Variants in FOXP2 observed in about 807,000 individuals in gnomAD.
FOXP2 encodes the protein forkhead box protein P2.
Under a neutral mutation model 115.8 loss-of-function variants are expected in FOXP2, and 12 were observed. The observed-to-expected ratio is 0.10, with a 90% CI of 0.07 to 0.17. The LOEUF (loss-of-function observed/expected upper bound fraction) is 0.17. Among genes scored for constraint, FOXP2 ranks in the 10% least tolerant of loss-of-function variants. The pLI, the probability that FOXP2 is intolerant of heterozygous loss-of-function variation, is 1.00. For missense variants in FOXP2, 629 were observed against 843.5 expected (o/e 0.75, Z 3.15); for synonymous variants, 328 against 297.7 (o/e 1.10, Z -1.05).
intron 10 of FOXP2, among the ~76,000 whole-genome samples, chr7:114,656,966 T>G (rs1261406436): frequency 1.3e-5 from 2 of 152,144 alleles, no homozygotes; most frequent in South Asian, 4.1e-4. Context: ...TATTCTCTAT[T>G]TAGCCACTCA....
intron 2 of FOXP2, among the ~76,000 whole-genome samples, chr7:114,492,748 CT>C (rs1392211360): frequency 2.0e-5 from 3 of 152,060 alleles, no homozygotes; most frequent in Non-Finnish European, 2.9e-5. Flanking sequence ...ATACTGAGTT[CT>C]AGTTTGATTG....
intron 2 of FOXP2, among the ~76,000 whole-genome samples, chr7:114,510,021 A>T (rs1797997706): frequency 6.6e-6 from 1 of 152,188 alleles, no homozygotes; most frequent in Non-Finnish European, 1.5e-5. Context: ...CAGTGATAAG[A>T]AAAAGGAAAT....
intron 2 of FOXP2, among the ~76,000 whole-genome samples, chr7:114,505,542 T>C (rs1489667001): frequency 1.3e-5 from 2 of 150,946 alleles, no homozygotes; most frequent in Non-Finnish European, 3.0e-5. Flanking sequence ...GATCAAATAA[T>C]AGGTGAAGTT....
intron 2 of FOXP2, among the ~76,000 whole-genome samples, chr7:114,484,250 G>T (rs538403279): frequency 6.6e-6 from 1 of 151,806 alleles, no homozygotes; most frequent in African/African-American, 2.4e-5. Context: ...GTGCTCTATT[G>T]ACCTCAAAAA....
intron 16 of FOXP2, among the ~76,000 whole-genome samples, chr7:114,677,865 C>T (rs1807860129): frequency 6.6e-6 from 1 of 152,162 alleles, no homozygotes; most frequent in Non-Finnish European, 1.5e-5. Flanking sequence ...GAGTTTCATT[C>T]ATTTAAATTG....
intron 2 of FOXP2, among the ~76,000 whole-genome samples, chr7:114,399,730 A>C (rs957405074): frequency 1.3e-5 from 2 of 152,194 alleles, no homozygotes; most frequent in Non-Finnish European, 2.9e-5. Context: ...CAATTAAATA[A>C]ATAAATAATA....
chr7:114,552,850 A>G (rs561168747), intron 3 of FOXP2, among the ~76,000 whole-genome samples: 1 of 152,304 alleles, frequency 6.6e-6, no homozygotes, highest in South Asian at 2.1e-4. Context: ...CAGGACTGTG[A>G]AAATTGCTTT....
chr7:114,472,818 C>T (rs776439213), intron 2 of FOXP2, among the ~76,000 whole-genome samples: 1 of 152,042 alleles, frequency 6.6e-6, no homozygotes, highest in Non-Finnish European at 1.5e-5. Flanking sequence ...TTCTGAGTTA[C>T]CAATAAAAAT....
chr7:114,302,905 G>A (rs1337046556), intron 2 of FOXP2, among the ~76,000 whole-genome samples: 4 of 152,046 alleles, frequency 2.6e-5, no homozygotes, highest in East Asian at 1.9e-4. Flanking sequence ...TGGAGATTTC[G>A]GTCCTACAAA....
intron 1 of FOXP2, among the ~76,000 whole-genome samples, chr7:114,101,406 A>T (rs1353824215): frequency 6.6e-6 from 1 of 152,130 alleles, no homozygotes; most frequent in Non-Finnish European, 1.5e-5. Context: ...GATTTACTCC[A>T]AGTTGGCCAT....
intron 1 of FOXP2, among the ~76,000 whole-genome samples, chr7:114,266,029 C>T (rs1320683509): frequency 2.0e-5 from 3 of 151,784 alleles, no homozygotes; most frequent in Non-Finnish European, 4.4e-5. Context: ...CTGAAATGCC[C>T]TAGTAGCTTT....
At chr7:114,229,130 T>A (rs1794810962) in intron 1 of FOXP2, among the ~76,000 whole-genome samples, 2 of 151,114 alleles carry the variant, frequency 1.3e-5, no homozygotes, top group Admixed American at 1.3e-4. Flanking sequence ...AGACTTTAAG[T>A]CAAGCTGTCA....
intron 1 of FOXP2, among the ~76,000 whole-genome samples, chr7:114,166,352 A>T (rs1195003204): frequency 1.3e-5 from 2 of 152,210 alleles, no homozygotes; most frequent in Non-Finnish European, 2.9e-5. Flanking sequence ...TTTGTAAAAT[A>T]GGTATCTGAT....
In FOXP2 at chr7:114,631,629, G is replaced by T; in HGVS notation, c.699G>T (p.Leu233=). Residue 233 remains leucine (L), a synonymous_variant, in exon 6 of 17, where the codon CTG becomes CTT. Coordinates refer to ENST00000350908, the MANE Select transcript of FOXP2 (RefSeq NM_014491.4). ...AACAACTCCAGCAGCAGCAGCATCT[G>T]CTCAGCCTTCAGCGTCAGGGACTCA... ...QMQQLQQQQH[L]LSLQRQGLIS... 1 of 1,613,986 alleles carries T rather than the reference G, an allele frequency of 6.2e-7. No homozygotes were observed. The highest frequency in any genetic ancestry group is 8.5e-7 in the Non-Finnish European group (1 of 1,179,990).
At chr7:114,628,852 G>T in intron 4 of FOXP2, 175 bp downstream of exon 4, 1 of 747,628 alleles carries the variant, frequency 1.3e-6, no homozygotes, top group Non-Finnish European at 2.1e-6. Context: ...AATCTAGATT[G>T]CTTATTTTTT....
chr7:114,670,640 T>A (rs946324418), intron 16 of FOXP2, among the ~76,000 whole-genome samples: 1 of 152,054 alleles, frequency 6.6e-6, no homozygotes, highest in Admixed American at 6.6e-5. Context: ...AATGAAAACA[T>A]AAGTATATAA....
upstream of FOXP2, among the ~76,000 whole-genome samples, chr7:114,160,360 C>G (rs1792796027): frequency 6.6e-6 from 1 of 152,044 alleles, no homozygotes; most frequent in Non-Finnish European, 1.5e-5. Context: ...CCAAAACTAC[C>G]AGACAATAAG....
intron 2 of FOXP2, among the ~76,000 whole-genome samples, chr7:114,460,350 A>C (rs756612784): frequency 3.3e-5 from 5 of 152,214 alleles, no homozygotes; most frequent in Non-Finnish European, 4.4e-5. Flanking sequence ...AGAGCTTATA[A>C]AGCAATATAA....
chr7:114,283,410 A>C (rs1472067436), intron 1 of FOXP2, among the ~76,000 whole-genome samples: 1 of 152,132 alleles, frequency 6.6e-6, no homozygotes, highest in Admixed American at 6.6e-5. Context: ...CACCAGGCTA[A>C]GGATTTTGTA....
Sources: gnomAD v4.1 joint callset for allele counts (sites outside exome capture counted in the v4.1 genomes callset) on GRCh38, gnomAD v4.1.1 for gene constraint, MANE v1.5 for transcripts, NCBI Gene and HGNC (gene_info 2026-07-23, HGNC 2026-07-21) for gene names.